ADAMTSL1: variants seen among roughly 807,000 people sequenced by gnomAD.
ADAMTSL1 encodes ADAMTS like 1, also known as ADAMTS-like protein 1.
Under a neutral mutation model 201.8 loss-of-function variants are expected in ADAMTSL1, and 126 were observed. The ratio of observed to expected loss-of-function variants is 0.62; its 90% CI spans 0.54 to 0.72. The LOEUF (loss-of-function observed/expected upper bound fraction) is 0.72, where lower values mean the gene tolerates loss of function less well. Ranked by LOEUF, ADAMTSL1 falls within the 30% of genes least tolerant of loss-of-function variation. The pLI is 0.00. For missense variants in ADAMTSL1, 2,679 were observed against 2,277.8 expected (o/e 1.18, Z -3.59); for synonymous variants, 1,121 against 903.4 (o/e 1.24, Z -4.32).
chr9:18,167,257 T>G (rs1022517580), intron 2 of ADAMTSL1, among the ~76,000 whole-genome samples: 6 of 152,004 alleles, frequency 3.9e-5, no homozygotes, highest in African/African-American at 1.4e-4. Flanking sequence ...CAGTATGTAA[T>G]TAGTGTACAC....
At chr9:18,680,772 C>G (rs921284675) in intron 11 of ADAMTSL1, 4 of 479,834 alleles carry the variant, frequency 8.3e-6, no homozygotes, top group African/African-American at 7.8e-5. Flanking sequence ...TCAAATAGCA[C>G]GGGGAAGCAA....
intron 15 of ADAMTSL1, among the ~76,000 whole-genome samples, chr9:18,750,366 T>C (rs1427653058): frequency 1.3e-5 from 2 of 152,244 alleles, no homozygotes; most frequent in Non-Finnish European, 1.5e-5. Context: ...GCTTATGATA[T>C]AAATCACACA....
chr9:18,753,255 A>G, intron 15 of ADAMTSL1, 43 bp from the exon 16 acceptor site: 10 of 1,554,450 alleles, frequency 6.4e-6, no homozygotes, highest in Non-Finnish European at 8.8e-6. Context: ...TTCTCTGCAC[A>G]GGTACTAAGG....
intron 3 of ADAMTSL1, among the ~76,000 whole-genome samples, chr9:18,537,018 G>T (rs1300256865): frequency 2.6e-5 from 4 of 152,148 alleles, no homozygotes; most frequent in African/African-American, 9.7e-5. Flanking sequence ...ACTGCTTGTG[G>T]TAGCTGGTGA....
chr9:18,659,930 A>C lies in ADAMTSL1; in HGVS notation c.947-2005A>C, dbSNP rs1397141605. Among the ~76,000 whole-genome samples, 3 of 148,130 alleles carry C rather than the reference A, an allele frequency of 2.0e-5. No homozygotes were observed. In the East Asian group the frequency reaches 5.8e-4, roughly 29 times the overall value. On this transcript the variant is annotated intron_variant, in intron 8 of 28. Transcript: ENST00000380548. ...AGGTTTGTTTTTTTTAAAAAAAAAA[A>C]TGAAAACCATGCTTTGTGAGAAATA...
intron 26 of ADAMTSL1, among the ~76,000 whole-genome samples, chr9:18,894,622 A>C (rs1212207429): frequency 1.3e-5 from 2 of 152,096 alleles, no homozygotes; most frequent in East Asian, 1.9e-4. Flanking sequence ...GAATACAGAA[A>C]AAAAAGAGGG....
At chr9:17,932,084 G>A (rs928440335) in intron 1 of ADAMTSL1, among the ~76,000 whole-genome samples, 5 of 152,170 alleles carry the variant, frequency 3.3e-5, no homozygotes, top group Non-Finnish European at 7.3e-5. Flanking sequence ...GCCATTTCCT[G>A]CCAGATTTTG....
intron 1 of ADAMTSL1, among the ~76,000 whole-genome samples, chr9:17,985,657 A>T (rs144441647): frequency 6.6e-6 from 1 of 152,134 alleles, no homozygotes; most frequent in African/African-American, 2.4e-5. Context: ...AACTTTGCAT[A>T]TATTACATAA....
intron 15 of ADAMTSL1, among the ~76,000 whole-genome samples, chr9:18,730,291 A>G (rs1037627271): frequency 3.9e-5 from 6 of 152,270 alleles, no homozygotes; most frequent in African/African-American, 9.6e-5. Flanking sequence ...AAAGTAGGAA[A>G]AGGACTTGAG....
chr9:18,000,202 C>A (rs924424439), intron 1 of ADAMTSL1, among the ~76,000 whole-genome samples: 1 of 151,110 alleles, frequency 6.6e-6, no homozygotes, highest in Admixed American at 6.6e-5. Flanking sequence ...AATGGTTGAA[C>A]TAGTTTACAG....
intron 1 of ADAMTSL1, among the ~76,000 whole-genome samples, chr9:17,994,543 C>G (rs1454786107): frequency 3.3e-5 from 5 of 152,096 alleles, no homozygotes; most frequent in African/African-American, 1.2e-4. Context: ...TTGTGTTGTA[C>G]TTTTTGGTCA....
intron 13 of ADAMTSL1, among the ~76,000 whole-genome samples, chr9:18,697,038 C>G (rs1014738215): frequency 1.3e-5 from 2 of 151,730 alleles, no homozygotes; most frequent in Non-Finnish European, 2.9e-5. Context: ...TGCCGCCACA[C>G]CCAGCTAATT....
At chr9:18,670,308 A>G (rs142499798) in intron 9 of ADAMTSL1, among the ~76,000 whole-genome samples, 63 of 152,338 alleles carry the variant, frequency 4.1e-4, no homozygotes, top group African/African-American at 1.3e-3. Flanking sequence ...CATGAGAAAG[A>G]GAGAAGAGAA....
intron 1 of ADAMTSL1, among the ~76,000 whole-genome samples, chr9:18,482,332 T>A (rs533424311): frequency 6.6e-6 from 1 of 152,226 alleles, no homozygotes; most frequent in East Asian, 1.9e-4. Flanking sequence ...TTTAAAGAAA[T>A]AAGTGGTATG....
At chr9:18,389,406 G>A (rs1837951454) in intron 2 of ADAMTSL1, among the ~76,000 whole-genome samples, 1 of 152,088 alleles carries the variant, frequency 6.6e-6, no homozygotes, top group Non-Finnish European at 1.5e-5. Context: ...TATATTTCCA[G>A]AATTGTACCA....
intron 15 of ADAMTSL1, among the ~76,000 whole-genome samples, chr9:18,728,329 T>C (rs1039536538): frequency 2.6e-5 from 4 of 152,174 alleles, no homozygotes; most frequent in Non-Finnish European, 5.9e-5. Context: ...TTAACATCTA[T>C]GTGATCGGAC....
chr9:18,417,255 A>G (rs60822546), intron 2 of ADAMTSL1, among the ~76,000 whole-genome samples: 2,956 of 151,720 alleles, frequency 0.019, 99 homozygotes, highest in African/African-American at 0.068. Context: ...GGGGGAATTT[A>G]TGGCACTAAA....
At chr9:18,046,847 A>G (rs941681331) in intron 1 of ADAMTSL1, among the ~76,000 whole-genome samples, 2 of 152,162 alleles carry the variant, frequency 1.3e-5, no homozygotes, top group South Asian at 2.1e-4. Flanking sequence ...AGTAAATAGC[A>G]TCTTTGGAAT....
At chr9:18,770,463 T>C (rs769152783) in intron 16 of ADAMTSL1, 139 bp from the exon 17 acceptor site, 53 of 859,724 alleles carry the variant, frequency 6.2e-5, no homozygotes, top group Non-Finnish European at 7.9e-5. Context: ...CAAAATCCTT[T>C]GGGCCGATTC....
Sources: gnomAD v4.1 joint callset for allele counts (sites outside exome capture counted in the v4.1 genomes callset) on GRCh38, gnomAD v4.1.1 for gene constraint, MANE v1.5 for transcripts, NCBI Gene and HGNC (gene_info 2026-07-23, HGNC 2026-07-21) for gene names.